The following ANKS1B variants were observed in gnomAD, a reference collection of about 807,000 sequenced individuals.
ANKS1B encodes ankyrin repeat and sterile alpha motif domain-containing protein 1B.
A neutral mutation model predicts 148.3 loss-of-function variants in ANKS1B; 36 were observed. The observed-to-expected ratio is 0.24, with a 90% CI of 0.19 to 0.32. ANKS1B has a LOEUF of 0.32. ANKS1B is among the 10% of genes least tolerant of loss of function. ANKS1B has a pLI of 1.00. For synonymous variants in ANKS1B, 542 were observed against 560.8 expected, an observed-to-expected ratio of 0.97 and a Z score of 0.47; for missense variants, 1,157 against 1,542.6, an observed-to-expected ratio of 0.75 and a Z score of 4.19.
chr12:99,128,452 A>T (rs1464355121), intron 15 of ANKS1B, among the ~76,000 whole-genome samples: 5 of 152,100 alleles, frequency 3.3e-5, no homozygotes, highest in Non-Finnish European at 7.3e-5. Flanking sequence ...GTACAGAAGG[A>T]TGCCTTCCTC....
intron 17 of ANKS1B, among the ~76,000 whole-genome samples, chr12:98,962,023 C>A (rs1330419560): frequency 6.6e-6 from 1 of 151,314 alleles, no homozygotes; most frequent in African/African-American, 2.4e-5. Flanking sequence ...GAAGAGAAGA[C>A]CGCAAAACAA....
chr12:99,106,312 C>T (rs998654561), intron 15 of ANKS1B, among the ~76,000 whole-genome samples: 2 of 152,206 alleles, frequency 1.3e-5, no homozygotes, highest in African/African-American at 4.8e-5. Context: ...GCTAAAAAGT[C>T]ACAGATTAGA....
chr12:99,040,252 T>TTC (rs963115441), intron 17 of ANKS1B, among the ~76,000 whole-genome samples: 1 of 151,966 alleles, frequency 6.6e-6, no homozygotes, highest in Middle Eastern at 3.4e-3. Flanking sequence ...CTCTCACTCT[T>TTC]TCTCTCTCTC....
intron 1 of ANKS1B, among the ~76,000 whole-genome samples, chr12:99,895,355 A>T (rs1006133821): frequency 6.0e-5 from 9 of 150,970 alleles, no homozygotes; most frequent in African/African-American, 1.7e-4. Flanking sequence ...AGAGGCTGAG[A>T]AGTCCCATGT....
intron 15 of ANKS1B, among the ~76,000 whole-genome samples, chr12:99,124,557 G>T (rs1217281840): frequency 6.6e-6 from 1 of 152,106 alleles, no homozygotes; most frequent in Non-Finnish European, 1.5e-5. Flanking sequence ...ATAGATTTCA[G>T]AGTTCAGGAG....
chr12:99,349,609 G>A (rs1254844026), intron 12 of ANKS1B, among the ~76,000 whole-genome samples: 1 of 151,898 alleles, frequency 6.6e-6, no homozygotes, highest in African/African-American at 2.4e-5. Context: ...TAATAAAAGG[G>A]TCAATCCCTC....
chr12:99,572,878 CATATA>C (rs1567381482), intron 9 of ANKS1B, among the ~76,000 whole-genome samples: 1 of 151,922 alleles, frequency 6.6e-6, no homozygotes, highest in Non-Finnish European at 1.5e-5. Context: ...ATACAAGATA[CATATA>C]ATATGTATCG....
chr12:99,955,627 G>T (rs2095311088), intron 1 of ANKS1B, among the ~76,000 whole-genome samples: 1 of 146,512 alleles, frequency 6.8e-6, no homozygotes, highest in South Asian at 2.3e-4. Flanking sequence ...CAGTTTACAT[G>T]TGTTAAGACC....
intron 17 of ANKS1B, among the ~76,000 whole-genome samples, chr12:98,920,761 T>C (rs1361081381): frequency 6.6e-6 from 1 of 152,220 alleles, no homozygotes; most frequent in Non-Finnish European, 1.5e-5. Flanking sequence ...CAACTTCTTC[T>C]AGCAAGAAGC....
intron 12 of ANKS1B, chr12:99,352,232 C>A (rs920821489): frequency 6.6e-6 from 1 of 151,972 alleles, no homozygotes; most frequent in Non-Finnish European, 1.5e-5. Flanking sequence ...AAAAAAATCC[C>A]TTTAGCAAAT....
intron 9 of ANKS1B, among the ~76,000 whole-genome samples, chr12:99,514,924 C>T (rs141114384): frequency 6.6e-6 from 1 of 151,966 alleles, no homozygotes; most frequent in Non-Finnish European, 1.5e-5. Flanking sequence ...TCCTTCAAGA[C>T]TCAATTTTCT....
chr12:99,081,544 G>A (rs1315903047), intron 16 of ANKS1B, among the ~76,000 whole-genome samples: 2 of 152,142 alleles, frequency 1.3e-5, no homozygotes, highest in Non-Finnish European at 2.9e-5. Context: ...GCATCAATTT[G>A]TGGCATTACA....
chr12:99,510,993 T>G (rs560050384), intron 9 of ANKS1B, among the ~76,000 whole-genome samples: 25 of 152,102 alleles, frequency 1.6e-4, no homozygotes, highest in African/African-American at 5.3e-4. Context: ...ACTTCTTCTC[T>G]TCCTATTTGA....
chr12:99,453,630 G>A (rs2095796399), intron 10 of ANKS1B, among the ~76,000 whole-genome samples: 1 of 152,166 alleles, frequency 6.6e-6, no homozygotes, highest in South Asian at 2.1e-4. Flanking sequence ...TTGAGTCAGA[G>A]GCATCCCGCT....
intron 1 of ANKS1B, among the ~76,000 whole-genome samples, chr12:99,963,234 G>C (rs549779181): frequency 6.6e-6 from 1 of 152,132 alleles, no homozygotes; most frequent in Admixed American, 6.5e-5. Context: ...TAAGTTCCTT[G>C]TAAATTCTGG....
chr12:99,560,685 C>G (rs940811683), intron 9 of ANKS1B, among the ~76,000 whole-genome samples: 1 of 152,042 alleles, frequency 6.6e-6, no homozygotes, highest in African/African-American at 2.4e-5. Flanking sequence ...AATTTAAAAA[C>G]ATTCTATTGC....
At chr12:99,235,625 G>A (rs533166052) in intron 14 of ANKS1B, among the ~76,000 whole-genome samples, 1 of 152,334 alleles carries the variant, frequency 6.6e-6, no homozygotes, top group South Asian at 2.1e-4. Context: ...TTCTATGTGA[G>A]AGAACTGGCT....
At chr12:99,863,250 T>C (rs1298949677) in intron 1 of ANKS1B, among the ~76,000 whole-genome samples, 2 of 152,164 alleles carry the variant, frequency 1.3e-5, no homozygotes, top group African/African-American at 2.4e-5. Flanking sequence ...ATCTCCTTTG[T>C]ACCTTTAAGT....
chr12:99,556,359 C>T (rs1263338320), intron 9 of ANKS1B, among the ~76,000 whole-genome samples: 1 of 151,946 alleles, frequency 6.6e-6, no homozygotes, highest in African/African-American at 2.4e-5. Flanking sequence ...GTCTATCAAA[C>T]TTATTTATTC....
Sources: allele counts gnomAD v4.1 joint callset (sites outside exome capture counted in the v4.1 genomes callset), GRCh38; gene constraint gnomAD v4.1.1; transcripts MANE v1.5; gene names NCBI Gene and HGNC (gene_info 2026-07-23, HGNC 2026-07-21).